PLXNA4: variants seen among roughly 807,000 people sequenced by gnomAD.
PLXNA4 encodes the protein plexin A4.
PLXNA4 carries 44 observed loss-of-function variants against 191.8 expected under a neutral mutation model. The observed-to-expected ratio is 0.23, with a 90% CI of 0.18 to 0.29. PLXNA4 has a LOEUF of 0.29. PLXNA4 is among the 10% of genes least tolerant of loss of function. The pLI is 1.00. For synonymous variants in PLXNA4, 1,082 were observed against 1,009.5 expected (o/e 1.07, Z -1.36); for missense variants, 1,800 against 2,488.8 (o/e 0.72, Z 5.89).
intron 23 of PLXNA4, among the ~76,000 whole-genome samples, chr7:132,164,748 G>A (rs191506030): frequency 2.0e-4 from 30 of 152,380 alleles, no homozygotes; most frequent in African/African-American, 7.0e-4. Context: ...CGCAACATGC[G>A]GCTTCTGCAC....
In PLXNA4 at chr7:132,284,865, C is replaced by T. The variant is rs139169838; in HGVS notation, c.1503+13226G>A. Among the ~76,000 whole-genome samples, 74 of 152,234 alleles carry T rather than the reference C, an allele frequency of 4.9e-4. No homozygotes were observed. In the East Asian group the frequency reaches 0.01, roughly 21 times the overall value. ...AAGCAGCTGGGACTACAGGCATACA[C>T]CACCACGCCTGGCTAATTTTTGAAT... On this transcript the variant is annotated intron_variant, in intron 4 of 31. Transcript: ENST00000321063.
intron 3 of PLXNA4, among the ~76,000 whole-genome samples, chr7:132,371,826 C>T (rs919656404): frequency 6.6e-6 from 1 of 152,158 alleles, no homozygotes; most frequent in Non-Finnish European, 1.5e-5. Flanking sequence ...CACACACAGT[C>T]TAGACCACAC....
chr7:132,195,178 TG>T (rs1797217995), intron 13 of PLXNA4, among the ~76,000 whole-genome samples: 1 of 144,680 alleles, frequency 6.9e-6, no homozygotes, highest in Non-Finnish European at 1.6e-5. Flanking sequence ...GAAAGATATA[TG>T]TGTTTTTTTA....
intron 20 of PLXNA4, among the ~76,000 whole-genome samples, chr7:132,176,617 CAT>C (rs1491439226): frequency 1.6e-5 from 1 of 62,992 alleles, no homozygotes; most frequent in Non-Finnish European, 2.9e-5. Flanking sequence ...TGTATGACTG[CAT>C]GTGTGTGTGT....
chr7:132,574,754 G>A (rs116384873), intron 1 of PLXNA4, among the ~76,000 whole-genome samples: 2,504 of 152,300 alleles, frequency 0.016, 75 homozygotes, highest in African/African-American at 0.057. Flanking sequence ...AGCCTAGCCA[G>A]AGACCTTTGC....
In PLXNA4 at chr7:132,146,655, C is replaced by T. The variant is rs753325197; in HGVS notation, c.4910G>A (p.Arg1637Gln). The change falls in exon 28 of 32, where the codon CGG (arginine) becomes CAG (glutamine). Residue 1637 changes from arginine (R) to glutamine (Q), a missense_variant. Physicochemically the swap from Arg to Gln is conservative, Grantham distance 43. Around this residue, in one of 6 missense-constraint regions of PLXNA4, gnomAD observed 214 missense variants for 298.2 expected, o/e 0.72. Coordinates refer to ENST00000321063, the MANE Select transcript of PLXNA4 (RefSeq NM_020911.2). The stretch of plus-strand genomic sequence containing the variant: ...CAGGTCAGGAGTGATCATAGGTGTC[C>T]GTGAGCGGAGGCTGTCGGGGCTGCC... ...YTGSPDSLRSRTPMITPDLES... is the reference protein window; with the variant it reads ...YTGSPDSLRSQTPMITPDLES... 9.3e-6 allele frequency: 15 copies of T among 1,614,018 alleles called. No individual in the cohort carries two copies. The highest frequency in any genetic ancestry group is 8.9e-5 in the East Asian group (4 of 44,886).
chr7:132,608,737 C>T (rs2116850969), intron 2 of PLXNA4, among the ~76,000 whole-genome samples: 1 of 152,318 alleles, frequency 6.6e-6, no homozygotes, highest in Non-Finnish European at 1.5e-5. Context: ...CCTGCCTCCA[C>T]TCTTGCCTCT....
chr7:132,555,045 G>GAAAAAAAAAAACAAAAAAAAAAAAAA lies in PLXNA4; in HGVS notation c.-87+21376_-87+21377insTTTTTTTTTTTTTTGTTTTTTTTTTT, dbSNP rs770401001. Among the ~76,000 whole-genome samples the GAAAAAAAAAAACAAAAAAAAAAAAAA allele has an allele frequency of 4.7e-4, 53 of 111,728 alleles. 1 individual carries two copies. Among genetic ancestry groups the GAAAAAAAAAAACAAAAAAAAAAAAAA allele is most frequent in the East Asian group, 1.0e-3 (4 of 3,956 alleles). 73.3% of individuals were successfully genotyped at this position (111,728 alleles called of 152,430 possible). On this transcript the variant is annotated intron_variant, in intron 1 of 31. Transcript: ENST00000321063. ...AGAGTCTTGGGTGGTAAACCTGAAG[G>GAAAAAAAAAAACAAAAAAAAAAAAAA]AAAAAAAAAAACAAAAAAAAAACAG...
In PLXNA4 at chr7:132,250,444, G is replaced by A. The variant is rs577958084; in HGVS notation, c.1504-9278C>T. On this transcript the variant is annotated intron_variant, in intron 4 of 31. Coordinates refer to ENST00000321063, the MANE Select transcript of PLXNA4 (RefSeq NM_020911.2). ...GAATCCCCTGGAGATCATTTATTTGGCAACCTTGGCTCTACTCTAAAACCT... is the reference window on the plus strand; with the variant it reads ...GAATCCCCTGGAGATCATTTATTTGACAACCTTGGCTCTACTCTAAAACCT... Among the ~76,000 whole-genome samples the A allele has an allele frequency of 2.6e-5, 4 of 152,256 alleles. No homozygotes were observed. The South Asian group carries it at 8.3e-4, about 32-fold the overall frequency.
At chr7:132,521,056 C>T (rs975146771) in intron 1 of PLXNA4, among the ~76,000 whole-genome samples, 2 of 151,874 alleles carry the variant, frequency 1.3e-5, no homozygotes, top group South Asian at 2.1e-4. Context: ...GTAATTAGTG[C>T]TATTTAATTC....
chr7:132,353,615 G>A (rs941657946), intron 3 of PLXNA4, among the ~76,000 whole-genome samples: 2 of 152,032 alleles, frequency 1.3e-5, no homozygotes, highest in Admixed American at 6.6e-5. Flanking sequence ...CCTGAAGCTC[G>A]AGGAAAACCT....
At position 132,189,004 on chromosome 7, in the gene PLXNA4, G is replaced by GGAAA. The variant is rs1562908921; in HGVS notation, c.2857-1398_2857-1397insTTTC. Among the ~76,000 whole-genome samples the GGAAA allele has an allele frequency of 2.9e-4, 21 of 72,236 alleles. No individual in the cohort carries two copies. In the East Asian group the frequency reaches 6.4e-3, roughly 22 times the overall value. 47.4% of individuals were successfully genotyped at this position (72,236 alleles called of 152,430 possible). ...GAAAGGAAAGGAAAGGAGAGAGAGA[G>GGAAA]AGAGAGAGAGAGAGAGAGAGAGAGA... On this transcript the variant is annotated intron_variant, in intron 14 of 31. Coordinates refer to ENST00000321063, the MANE Select transcript of PLXNA4 (RefSeq NM_020911.2).
Position 132,125,557 on chromosome 7 carries a change from C to CAA in PLXNA4, c.*4920_*4921dup, listed in dbSNP as rs1794745050. 3 of 151,958 alleles carry CAA rather than the reference C, an allele frequency of 2.0e-5. No individual in the cohort carries two copies. Among genetic ancestry groups the CAA allele is most frequent in the Non-Finnish European group, 4.4e-5 (3 of 67,984 alleles). The allele number at this position is 151,958 out of a possible 1,614,324, so 9.4% of individuals were successfully genotyped here. On this transcript the variant is annotated 3_prime_UTR_variant, in exon 32 of 32. Coordinates refer to ENST00000321063, the MANE Select transcript of PLXNA4 (RefSeq NM_020911.2). ...CTTACTTTCGAACTATTAAGATATACAAACAAAAACCAAACAACTCCAAAA... is the reference window on the plus strand; with the variant it reads ...CTTACTTTCGAACTATTAAGATATACAAAAACAAAAACCAAACAACTCCAAAA...
intron 20 of PLXNA4, 32 bp downstream of exon 20, chr7:132,179,655 C>T (rs1341074205): frequency 1.2e-6 from 2 of 1,602,468 alleles, no homozygotes; most frequent in Non-Finnish European, 1.7e-6. Flanking sequence ...CACGCACACA[C>T]ACATGGCCTC....
At position 132,223,574 on chromosome 7, in the gene PLXNA4, C is replaced by T. The variant is rs1432455576; in HGVS notation, c.2050G>A (p.Asp684Asn). The change falls in exon 9 of 32, where the codon GAC (aspartate) becomes AAC (asparagine). Residue 684 changes from aspartate (D) to asparagine (N), a missense_variant. Around this residue, in one of 6 missense-constraint regions of PLXNA4, gnomAD observed 1,397 missense variants for 1,880.4 expected, o/e 0.74. Transcript: ENST00000321063. ...TCCTGGAAGGAGCAGGTCTTGGGGT[C>T]ATGGGTGCAGACATGCCGGTATTTA... ...WCKYRHVCTH[D>N]PKTCSFQEGR... The T allele has an allele frequency of 6.2e-7, 1 of 1,613,864 alleles. No homozygotes were observed. The highest frequency in any genetic ancestry group is 1.7e-5 in the Admixed American group (1 of 60,000).
At chr7:132,551,847 A>T (rs903176108) in intron 1 of PLXNA4, among the ~76,000 whole-genome samples, 2 of 152,186 alleles carry the variant, frequency 1.3e-5, no homozygotes, top group Non-Finnish European at 1.5e-5. Flanking sequence ...CCATTAACCT[A>T]CACCTCTGTA....
At chr7:132,180,069 G>A (rs930054563) in intron 19 of PLXNA4, 148 bp from the exon 20 acceptor site, 2 of 1,375,492 alleles carry the variant, frequency 1.5e-6, no homozygotes, top group African/African-American at 1.5e-5. Flanking sequence ...GGGCATGGGG[G>A]GCTGGGAGCG....
intron 14 of PLXNA4, among the ~76,000 whole-genome samples, 172 bp from the exon 15 acceptor site, chr7:132,187,779 C>T (rs1209057364): frequency 6.6e-6 from 1 of 152,124 alleles, no homozygotes; most frequent in Non-Finnish European, 1.5e-5. Context: ...AGGCAGTGTT[C>T]CAGACCCTGA....
chr7:132,262,907 C>G (rs925688115), intron 4 of PLXNA4, among the ~76,000 whole-genome samples: 3 of 152,166 alleles, frequency 2.0e-5, no homozygotes, highest in Non-Finnish European at 2.9e-5. Flanking sequence ...TGCGTAACAC[C>G]ACAACCCAAG....
Sources: gnomAD v4.1 joint callset for allele counts (sites outside exome capture counted in the v4.1 genomes callset) on GRCh38, gnomAD v4.1.1 for gene constraint, gnomAD v4.1.1 regional missense constraint, MANE v1.5 for transcripts, NCBI Gene and HGNC (gene_info 2026-07-23, HGNC 2026-07-21) for gene names.